The following NRXN3 variants were observed in gnomAD, a reference collection of about 807,000 sequenced individuals.
NRXN3 encodes the protein neurexin 3.
NRXN3 carries 32 observed loss-of-function variants against 137.6 expected under a neutral mutation model. That is an observed-to-expected ratio of 0.23 (90% confidence interval 0.18 to 0.31). The LOEUF (loss-of-function observed/expected upper bound fraction) is 0.31. Among genes scored for constraint, NRXN3 ranks in the 10% least tolerant of loss-of-function variants. The pLI is 1.00. For synonymous variants in NRXN3, 798 were observed against 784.5 expected (o/e 1.02, Z -0.29); for missense variants, 1,574 against 2,062.5 (o/e 0.76, Z 4.59).
At chr14:79,854,621 A>C (rs1251771646) in intron 20 of NRXN3, among the ~76,000 whole-genome samples, 1 of 152,166 alleles carries the variant, frequency 6.6e-6, no homozygotes, top group Admixed American at 6.5e-5. Flanking sequence ...CCGTGTTTAA[A>C]GCCTTGAAAG....
At chr14:79,549,997 G>A (rs997677750) in intron 16 of NRXN3, among the ~76,000 whole-genome samples, 1 of 150,548 alleles carries the variant, frequency 6.6e-6, no homozygotes, top group Non-Finnish European at 1.5e-5. Flanking sequence ...TTTGACAGAG[G>A]TCTCACTCTG....
intron 10 of NRXN3, among the ~76,000 whole-genome samples, chr14:78,844,377 T>G (rs78092090): frequency 0.026 from 3,931 of 152,128 alleles, 138 homozygotes; most frequent in East Asian, 0.14. Context: ...ATTCTGGAGA[T>G]TCACAGGTTC....
intron 4 of NRXN3, among the ~76,000 whole-genome samples, chr14:78,301,416 T>A (rs190175435): frequency 1.3e-5 from 2 of 152,328 alleles, no homozygotes; most frequent in East Asian, 3.9e-4. Flanking sequence ...GCCAACACTC[T>A]GACATGCCTT....
At position 78,966,318 on chromosome 14, in the gene NRXN3, T is replaced by A; in HGVS notation, c.2689T>A (p.Phe897Ile). 6.2e-7 allele frequency: 1 copy of A among 1,614,186 alleles called. No homozygotes were observed. Among genetic ancestry groups the A allele is most frequent in the Non-Finnish European group, 8.5e-7 (1 of 1,180,028 alleles). ...LQAYTSMHLF[F>I]QFKTTSPDGF... ...GGCTTACACCTCCATGCACCTCTTC[T>A]TCCAGTTCAAGACCACCTCACCAGA... Residue 897 changes from phenylalanine to isoleucine, a missense_variant, in exon 12 of 21, where the codon TTC becomes ATC. By Grantham distance (21) the Phe-to-Ile change is conservative. This residue lies in a region of NRXN3 where 718 missense variants were observed against 887.6 expected (regional missense o/e 0.81). Coordinates refer to ENST00000335750, the MANE Select transcript of NRXN3 (RefSeq NM_001330195.2).
In NRXN3 at chr14:78,494,557, A is replaced by G. The variant is rs566428806; in HGVS notation, c.758-150563A>G. ...CCTAAAGTAAGGGTTGAAGTGGGGG[A>G]AGATGAAACAATAGGTGGCTGTAGC... On this transcript the variant is annotated intron_variant, in intron 4 of 20. Coordinates refer to ENST00000335750, the MANE Select transcript of NRXN3 (RefSeq NM_001330195.2). Among the ~76,000 whole-genome samples the G allele has an allele frequency of 4.6e-5, 7 of 151,892 alleles. No homozygotes were observed. The South Asian group carries it at 1.5e-3, about 32-fold the overall frequency.
intron 16 of NRXN3, among the ~76,000 whole-genome samples, chr14:79,648,767 T>C (rs1295860190): frequency 6.6e-6 from 1 of 152,164 alleles, no homozygotes; most frequent in African/African-American, 2.4e-5. Flanking sequence ...TTAGATGTTC[T>C]GAGCACTTGT....
intron 15 of NRXN3, among the ~76,000 whole-genome samples, chr14:79,306,374 G>A (rs984757483): frequency 1.3e-5 from 2 of 151,730 alleles, no homozygotes; most frequent in Non-Finnish European, 2.9e-5. Context: ...CCTCAACATC[G>A]TGCACCTTGT....
chr14:79,256,866 T>C (rs899955894), intron 15 of NRXN3, among the ~76,000 whole-genome samples: 1 of 152,206 alleles, frequency 6.6e-6, no homozygotes, highest in Non-Finnish European at 1.5e-5. Context: ...TGTGTGTGTG[T>C]GTATGTGTGT....
At chr14:78,198,648 G>A (rs1024834250) in intron 1 of NRXN3, among the ~76,000 whole-genome samples, 3 of 152,200 alleles carry the variant, frequency 2.0e-5, no homozygotes, top group African/African-American at 4.8e-5. Context: ...CCTTATATAT[G>A]CACAACAATC....
At chr14:79,159,968 G>A (rs117437603) in intron 15 of NRXN3, among the ~76,000 whole-genome samples, 2,915 of 151,922 alleles carry the variant, frequency 0.019, 46 homozygotes, top group Non-Finnish European at 0.028. Flanking sequence ...AAATCTCAAT[G>A]GAAATTGAAG....
At chr14:79,026,861 A>C (rs2099598735) in intron 15 of NRXN3, among the ~76,000 whole-genome samples, 1 of 151,218 alleles carries the variant, frequency 6.6e-6, no homozygotes, top group Non-Finnish European at 1.5e-5. Flanking sequence ...AGTGAAATCC[A>C]ATTAGCAAGA....
intron 16 of NRXN3, among the ~76,000 whole-genome samples, chr14:79,658,658 A>C (rs910251771): frequency 1.3e-5 from 2 of 152,162 alleles, no homozygotes; most frequent in African/African-American, 4.8e-5. Context: ...AGTGCCGCTC[A>C]TTATTTTCTT....
intron 15 of NRXN3, among the ~76,000 whole-genome samples, chr14:79,003,682 C>A (rs749216984): frequency 4.1e-4 from 63 of 152,172 alleles, no homozygotes; most frequent in Non-Finnish European, 8.8e-4. Flanking sequence ...TATTGCCTGC[C>A]ATGGGGAGAT....
intron 1 of NRXN3, among the ~76,000 whole-genome samples, chr14:78,216,052 C>A (rs932468428): frequency 6.6e-6 from 1 of 152,154 alleles, no homozygotes; most frequent in South Asian, 2.1e-4. Flanking sequence ...TTTTAGGGAG[C>A]ATGGTATAAA....
intron 15 of NRXN3, among the ~76,000 whole-genome samples, chr14:79,017,668 T>TAA (rs1243482565): frequency 1.3e-5 from 2 of 152,078 alleles, no homozygotes; most frequent in African/African-American, 2.4e-5. Context: ...GCTATATATA[T>TAA]AATGAGGGAG....
intron 4 of NRXN3, among the ~76,000 whole-genome samples, chr14:78,405,613 C>CGG (rs3037826): frequency 0.02 from 2,621 of 128,772 alleles, 96 homozygotes; most frequent in African/African-American, 0.057. Flanking sequence ...GGGGAAGGGG[C>CGG]GGGGGGGTTC....
intron 16 of NRXN3, among the ~76,000 whole-genome samples, chr14:79,540,428 A>G (rs1296750837): frequency 2.0e-5 from 3 of 152,098 alleles, no homozygotes; most frequent in African/African-American, 4.8e-5. Flanking sequence ...TTCTGGTGAG[A>G]GCATTCAAAA....
intron 3 of NRXN3, among the ~76,000 whole-genome samples, chr14:78,292,320 A>T (rs1255212515): frequency 1.3e-5 from 2 of 152,238 alleles, no homozygotes; most frequent in Non-Finnish European, 2.9e-5. Context: ...TGTACTTTGC[A>T]TATAATTTAC....
intron 15 of NRXN3, among the ~76,000 whole-genome samples, chr14:79,091,715 A>AC (rs1345625768): frequency 6.6e-6 from 1 of 152,088 alleles, no homozygotes; most frequent in Non-Finnish European, 1.5e-5. Context: ...CCTAGTTAGT[A>AC]CCCCAGGAGA....
Sources: allele counts gnomAD v4.1 joint callset (sites outside exome capture counted in the v4.1 genomes callset), GRCh38; gene constraint gnomAD v4.1.1; regional missense constraint gnomAD v4.1.1; transcripts MANE v1.5; gene names NCBI Gene and HGNC (gene_info 2026-07-23, HGNC 2026-07-21).